The following NRG1 variants were observed in gnomAD, a reference collection of about 807,000 sequenced individuals.
NRG1 encodes the protein neuregulin 1, also known as pro-neuregulin-1, membrane-bound isoform.
NRG1 carries 18 observed loss-of-function variants against 63.8 expected under a neutral mutation model. That is an observed-to-expected ratio of 0.28 (90% confidence interval 0.19 to 0.42). The LOEUF is 0.42. Ranked by LOEUF, NRG1 falls within the 10% of genes least tolerant of loss-of-function variation. The pLI, the probability that NRG1 is intolerant of heterozygous loss-of-function variation, is 1.00. For missense variants in NRG1, 762 were observed against 814.7 expected (o/e 0.94, Z 0.79); for synonymous variants, 302 against 301.3 (o/e 1.00, Z -0.02).
At chr8:32,127,124 A>G (rs572753745) in intron 1 of NRG1, among the ~76,000 whole-genome samples, 3 of 152,090 alleles carry the variant, frequency 2.0e-5, no homozygotes, top group South Asian at 2.1e-4. Flanking sequence ...ACAAGACCAT[A>G]TAAGCTCTAT....
intron 1 of NRG1, among the ~76,000 whole-genome samples, chr8:31,855,843 A>G (rs1827805857): frequency 6.6e-6 from 1 of 152,032 alleles, no homozygotes; most frequent in Non-Finnish European, 1.5e-5. Flanking sequence ...GCTTGTCTGT[A>G]AAGTGTTTTA....
intron 1 of NRG1, among the ~76,000 whole-genome samples, chr8:31,972,095 A>G (rs1036763034): frequency 2.6e-5 from 4 of 151,962 alleles, no homozygotes; most frequent in African/African-American, 9.7e-5. Flanking sequence ...CACCTTTCCC[A>G]CTAGAGTTTT....
At chr8:32,716,606 A>T (rs2975503) in intron 5 of NRG1, among the ~76,000 whole-genome samples, 40,796 of 152,056 alleles carry the variant, frequency 0.27, 6,548 homozygotes, top group Non-Finnish European at 0.37. Context: ...CTAAGGTCCT[A>T]TGTATGGACC....
intron 1 of NRG1, among the ~76,000 whole-genome samples, chr8:32,337,653 C>CGAAAAAAAAAAAAA (rs1803452831): frequency 4.0e-5 from 1 of 24,704 alleles, no homozygotes; most frequent in African/African-American, 1.5e-4. Flanking sequence ...AGAGTTATTG[C>CGAAAAAAAAAAAAA]AAAAAAAAAA....
At position 32,489,154 on chromosome 8, in the gene NRG1, T is replaced by C. The variant is rs568905298; in HGVS notation, c.38-106674T>C. On this transcript the variant is annotated intron_variant, in intron 1 of 10. Coordinates refer to the NRG1 transcript ENST00000519301. The stretch of plus-strand genomic sequence containing the variant: ...ACATCCCTTTTCCCTTGATTCTTCC[T>C]TTAGGATGGGCTGCCGCATGTGTGG... 5.3e-5 allele frequency among the ~76,000 whole-genome samples: 8 copies of C among 152,294 alleles called. No homozygotes were observed. In the East Asian group the frequency reaches 1.2e-3, roughly 22 times the overall value.
chr8:32,360,116 C>T (rs1807015637), intron 1 of NRG1, among the ~76,000 whole-genome samples: 1 of 152,092 alleles, frequency 6.6e-6, no homozygotes, highest in African/African-American at 2.4e-5. Flanking sequence ...CTAAATTCAC[C>T]AAATTGTGTT....
intron 1 of NRG1, among the ~76,000 whole-genome samples, chr8:32,072,423 C>T (rs748700069): frequency 2.6e-5 from 4 of 152,054 alleles, no homozygotes; most frequent in Admixed American, 1.3e-4. Context: ...CAGTTACCCA[C>T]CCCCAACTCC....
intron 1 of NRG1, among the ~76,000 whole-genome samples, chr8:32,433,800 G>A (rs1337414043): frequency 1.3e-5 from 2 of 152,076 alleles, no homozygotes; most frequent in African/African-American, 2.4e-5. Flanking sequence ...ACCTCACCAG[G>A]AGTAGGAAAT....
At chr8:32,122,018 G>T (rs1164730714) in intron 1 of NRG1, among the ~76,000 whole-genome samples, 1 of 151,796 alleles carries the variant, frequency 6.6e-6, no homozygotes, top group Non-Finnish European at 1.5e-5. Flanking sequence ...TTATTGATTT[G>T]TCTTTTTCTT....
At chr8:32,376,442 C>T (rs1231181521) in intron 1 of NRG1, among the ~76,000 whole-genome samples, 1 of 152,164 alleles carries the variant, frequency 6.6e-6, no homozygotes, top group African/African-American at 2.4e-5. Flanking sequence ...GACCCCCATT[C>T]CCTTGACATG....
chr8:32,501,891 C>T (rs1827894818), intron 1 of NRG1, among the ~76,000 whole-genome samples: 3 of 152,104 alleles, frequency 2.0e-5, no homozygotes, highest in Non-Finnish European at 4.4e-5. Flanking sequence ...CTTTAGGAGG[C>T]TAAGGTGGGA....
intron 1 of NRG1, among the ~76,000 whole-genome samples, chr8:31,749,124 T>G (rs2131445497): frequency 6.6e-6 from 1 of 151,958 alleles, no homozygotes; most frequent in South Asian, 2.1e-4. Context: ...CAGAGGATAG[T>G]ACATAAGTTT....
At chr8:32,762,034 G>T (rs549609411) in intron 11 of NRG1, among the ~76,000 whole-genome samples, 1 of 39,510 alleles carries the variant, frequency 2.5e-5, no homozygotes, top group African/African-American at 1.1e-4. Context: ...GCAAGACTCC[G>T]CCTCAAAAAA....
At chr8:31,728,720 G>A (rs554283417) in intron 1 of NRG1, among the ~76,000 whole-genome samples, 1 of 152,190 alleles carries the variant, frequency 6.6e-6, no homozygotes, top group Non-Finnish European at 1.5e-5. Context: ...TGGACTTTAA[G>A]GTTGCTCACC....
upstream of NRG1, among the ~76,000 whole-genome samples, chr8:32,544,734 G>A (rs986722689): frequency 2.2e-5 from 3 of 137,706 alleles, no homozygotes; most frequent in Non-Finnish European, 4.6e-5. Flanking sequence ...TGTTGCCCAG[G>A]CTGGTCTTGA....
At chr8:31,918,935 G>A (rs4733103) in intron 1 of NRG1, among the ~76,000 whole-genome samples, 101,258 of 151,734 alleles carry the variant, frequency 0.67, 34,158 homozygotes, top group East Asian at 0.92. Context: ...TCTTGGGAGA[G>A]TGTATGTGTC....
chr8:31,825,194 C>A (rs1216939038), intron 1 of NRG1, among the ~76,000 whole-genome samples: 2 of 152,076 alleles, frequency 1.3e-5, no homozygotes, highest in African/African-American at 4.8e-5. Flanking sequence ...TGGAGACCAT[C>A]CTGGCTAACA....
At chr8:31,867,579 T>C (rs1335048998) in intron 1 of NRG1, among the ~76,000 whole-genome samples, 1 of 100,198 alleles carries the variant, frequency 1.0e-5, no homozygotes, top group Non-Finnish European at 2.1e-5. Context: ...ATAATTCCTT[T>C]GTACTTTTTG....
chr8:32,714,757 C>T (rs555625046), intron 5 of NRG1, among the ~76,000 whole-genome samples: 3 of 152,290 alleles, frequency 2.0e-5, no homozygotes, highest in African/African-American at 7.2e-5. Flanking sequence ...GCCAGGATCA[C>T]AGGCATGCGC....
Sources: allele counts gnomAD v4.1 joint callset (sites outside exome capture counted in the v4.1 genomes callset), GRCh38; gene constraint gnomAD v4.1.1; transcripts MANE v1.5; gene names NCBI Gene and HGNC (gene_info 2026-07-23, HGNC 2026-07-21).